RPRD1A: variants seen among roughly 807,000 people sequenced by gnomAD.
The protein encoded by RPRD1A is regulation of nuclear pre-mRNA domain-containing protein 1A.
In RPRD1A, 9 loss-of-function variants were observed where a neutral mutation model predicts 37.8. That is an observed-to-expected ratio of 0.24 (90% confidence interval 0.14 to 0.42). The LOEUF (loss-of-function observed/expected upper bound fraction) is 0.42. Ranked by LOEUF, RPRD1A falls within the 10% of genes least tolerant of loss-of-function variation. The pLI, the probability that RPRD1A is intolerant of heterozygous loss-of-function variation, is 1.00. For synonymous variants in RPRD1A, 138 were observed against 139.7 expected (o/e 0.99, Z 0.08); for missense variants, 255 against 371.0 (o/e 0.69, Z 2.57).
At chr18:36,052,116 G>A (rs922530042) in intron 1 of RPRD1A, among the ~76,000 whole-genome samples, 5 of 147,698 alleles carry the variant, frequency 3.4e-5, no homozygotes, top group Non-Finnish European at 5.9e-5. Flanking sequence ...CAGAAACCAC[G>A]AGACCAGAAA....
chr18:36,051,630 G>A (rs1471885654), intron 1 of RPRD1A, among the ~76,000 whole-genome samples: 1 of 152,138 alleles, frequency 6.6e-6, no homozygotes. Context: ...TTGTATGCTA[G>A]GTTCTGAGGG....
At chr18:36,001,243 T>G (rs1253147922) in intron 6 of RPRD1A, among the ~76,000 whole-genome samples, 5 of 152,114 alleles carry the variant, frequency 3.3e-5, no homozygotes, top group African/African-American at 1.2e-4. Flanking sequence ...GTTTTGACCT[T>G]GAGGGTGGAA....
At chr18:36,056,499 G>C (rs1296015246) in intron 1 of RPRD1A, among the ~76,000 whole-genome samples, 1 of 152,076 alleles carries the variant, frequency 6.6e-6, no homozygotes, top group Non-Finnish European at 1.5e-5. Context: ...TGTTGGCTAG[G>C]CTGGTCTTGA....
intron 6 of RPRD1A, chr18:36,026,394 A>C (rs1911370577): frequency 6.5e-6 from 1 of 153,068 alleles, no homozygotes; most frequent in Non-Finnish European, 1.5e-5. Context: ...TAGCGGTATT[A>C]ATTATTACTT....
rs762553843 is a variant in RPRD1A at position 35,993,188 on chromosome 18, T to C, written c.902A>G (p.His301Arg). 12 of 1,614,144 alleles carry C rather than the reference T, an allele frequency of 7.4e-6. No homozygotes were observed. The highest frequency in any genetic ancestry group is 9.3e-6 in the Non-Finnish European group (11 of 1,180,012). Reference protein sequence around the residue: ...RLPNVTGSHMHLPFAGDIYSE... With the variant: ...RLPNVTGSHMRLPFAGDIYSE... The stretch of plus-strand genomic sequence containing the variant: ...GTAGATGTCTCCCGCAAAGGGCAGG[T>C]GCATGTGGCTGCCAGTGACATTGGG... Residue 301 changes from histidine (H) to arginine (R), a missense_variant, in exon 7 of 7, where the codon CAC becomes CGC. His to Arg is a conservative substitution (Grantham distance 29). This residue lies in a region of RPRD1A where 211 missense variants were observed against 268.9 expected (regional missense o/e 0.78). Transcript: ENST00000399022.
intron 1 of RPRD1A, among the ~76,000 whole-genome samples, chr18:36,039,903 T>C (rs1413412832): frequency 6.6e-6 from 1 of 151,972 alleles, no homozygotes; most frequent in African/African-American, 2.4e-5. Context: ...CAGAAATATA[T>C]GCACATGTAC....
At chr18:35,993,415 G>T (rs1908830914) in intron 6 of RPRD1A, 115 bp from the exon 7 acceptor site, 1 of 981,138 alleles carries the variant, frequency 1.0e-6, no homozygotes, top group Non-Finnish European at 1.4e-6. Context: ...TATTTAAAAA[G>T]GTTATTCCAG....
intron 4 of RPRD1A, among the ~76,000 whole-genome samples, chr18:36,029,532 G>A (rs1050780626): frequency 6.6e-6 from 1 of 150,914 alleles, no homozygotes; most frequent in Non-Finnish European, 1.5e-5. Flanking sequence ...TAAGAGTATG[G>A]TTATGTCTTC....
intron 6 of RPRD1A, among the ~76,000 whole-genome samples, chr18:36,012,342 C>G (rs888118863): frequency 6.6e-6 from 1 of 151,996 alleles, no homozygotes; most frequent in South Asian, 2.1e-4. Flanking sequence ...ACTTCGTTAC[C>G]GGTTTATGTA....
At chr18:36,035,517 A>C (rs1017574139) in intron 1 of RPRD1A, among the ~76,000 whole-genome samples, 4 of 152,234 alleles carry the variant, frequency 2.6e-5, no homozygotes, top group Non-Finnish European at 4.4e-5. Flanking sequence ...ATCCCTCTTA[A>C]CAACTAGACC....
intron 6 of RPRD1A, among the ~76,000 whole-genome samples, chr18:36,003,491 A>G (rs1374531328): frequency 6.6e-6 from 1 of 152,238 alleles, no homozygotes; most frequent in Admixed American, 6.5e-5. Flanking sequence ...TTTCACAGTG[A>G]TCTCCATTCA....
At chr18:36,044,186 G>A (rs1425265964) in intron 1 of RPRD1A, among the ~76,000 whole-genome samples, 2 of 152,114 alleles carry the variant, frequency 1.3e-5, no homozygotes, top group African/African-American at 4.8e-5. Flanking sequence ...TGTCTCAGGA[G>A]TGTCAAAGGC....
chr18:36,018,002 A>G (rs551946127), intron 6 of RPRD1A, among the ~76,000 whole-genome samples: 2 of 152,340 alleles, frequency 1.3e-5, no homozygotes, highest in East Asian at 3.9e-4. Context: ...AAGCTGGTAA[A>G]ATAATTTTAC....
chr18:36,063,813 G>C (rs982985054), intron 1 of RPRD1A, among the ~76,000 whole-genome samples: 2 of 152,196 alleles, frequency 1.3e-5, no homozygotes, highest in African/African-American at 4.8e-5. Context: ...GTCAAGAAAA[G>C]GAAACCCTTG....
Position 36,001,554 on chromosome 18 carries a change from C to T in RPRD1A, c.790-8254G>A, listed in dbSNP as rs144619970. On this transcript the variant is annotated intron_variant, in intron 6 of 6. Transcript: ENST00000399022. ...CCAAATTGGGTGTTCCATGAAACAT[C>T]ATTCCATAAGGTTTTCACAAGCAGG... Among the ~76,000 whole-genome samples the T allele has an allele frequency of 1.8e-4, 28 of 152,210 alleles. 1 individual carries two copies. The East Asian group carries it at 5.2e-3, about 28-fold the overall frequency.
At chr18:36,064,219 G>T (rs939977310) in intron 1 of RPRD1A, 1 of 152,510 alleles carries the variant, frequency 6.6e-6, no homozygotes, top group Admixed American at 6.5e-5. Flanking sequence ...GGCCGGAGCC[G>T]GCTCCATCTG....
At chr18:36,048,760 G>A (rs1913147353) in intron 1 of RPRD1A, among the ~76,000 whole-genome samples, 1 of 152,006 alleles carries the variant, frequency 6.6e-6, no homozygotes, top group Non-Finnish European at 1.5e-5. Context: ...ATTACACATG[G>A]TGCTGGAAAT....
chr18:36,030,363 G>T (rs1326505965), intron 4 of RPRD1A, among the ~76,000 whole-genome samples: 2 of 151,376 alleles, frequency 1.3e-5, no homozygotes, highest in African/African-American at 4.9e-5. Flanking sequence ...CGTGCCTGTA[G>T]TCTCAGCTAT....
chr18:36,066,171 C>G (rs1428979287), intron 1 of RPRD1A, among the ~76,000 whole-genome samples: 1 of 149,066 alleles, frequency 6.7e-6, no homozygotes, highest in Admixed American at 6.7e-5. Context: ...AAAAACAAGG[C>G]TGTAAATCAA....
Sources: gnomAD v4.1 joint callset for allele counts (sites outside exome capture counted in the v4.1 genomes callset) on GRCh38, gnomAD v4.1.1 for gene constraint, gnomAD v4.1.1 regional missense constraint, MANE v1.5 for transcripts, NCBI Gene and HGNC (gene_info 2026-07-23, HGNC 2026-07-21) for gene names.